PHF14: variants seen among roughly 807,000 people sequenced by gnomAD.
The protein encoded by PHF14 is PHD finger protein 14.
Under a neutral mutation model 117.9 loss-of-function variants are expected in PHF14, and 55 were observed. The ratio of observed to expected loss-of-function variants is 0.47; its 90% CI spans 0.38 to 0.58. The LOEUF is 0.58. PHF14 is among the 20% of genes least tolerant of loss of function. PHF14 has a pLI of 0.00. For missense variants in PHF14, 978 were observed against 1,122.2 expected (o/e 0.87, Z 1.84); for synonymous variants, 409 against 368.6 (o/e 1.11, Z -1.26).
intron 17 of PHF14, among the ~76,000 whole-genome samples, chr7:11,140,741 T>C (rs1788376052): frequency 6.6e-6 from 1 of 152,160 alleles, no homozygotes; most frequent in South Asian, 2.1e-4. Context: ...GATTGAAATT[T>C]CTATACTATT....
Position 10,990,799 on chromosome 7 carries a change from G to A in PHF14, c.997G>A (p.Ala333Thr), listed in dbSNP as rs542396851. 4.0e-5 allele frequency: 63 copies of A among 1,588,488 alleles called. No individual in the cohort carries two copies. In the South Asian group the frequency reaches 5.7e-4, roughly 14 times the overall value. Residue 333 changes from alanine (A) to threonine (T), a missense_variant, in exon 4 of 18, where the codon GCT becomes ACT. By Grantham distance (58) the Ala-to-Thr change is moderately conservative (BLOSUM62 0). This residue lies in a region of PHF14 where 86 missense variants were observed against 137.8 expected (regional missense o/e 0.62). Coordinates refer to ENST00000634607, the MANE Select transcript of PHF14 (RefSeq NM_001007157.2). ...CVCLGDNSED[A>T]DEIIQCDNCG... Reference sequence around the variant, plus strand: ...TTGTCTGGGAGATAATAGTGAGGACGCTGATGAAATAATTCAGTGTGACAA... The same window carrying A: ...TTGTCTGGGAGATAATAGTGAGGACACTGATGAAATAATTCAGTGTGACAA...
intron 17 of PHF14, among the ~76,000 whole-genome samples, chr7:11,161,745 TA>T (rs1395412134): frequency 6.9e-6 from 1 of 145,514 alleles, no homozygotes; most frequent in Non-Finnish European, 1.5e-5. Context: ...TTTATTTAAA[TA>T]AAAATATTTA....
In PHF14 at chr7:11,036,993, A is replaced by G; in HGVS notation, c.1882A>G (p.Met628Val). The change falls in exon 10 of 18, where the codon ATG becomes GTG. Residue 628 changes from methionine to valine, a missense_variant. Physicochemically the swap from Met to Val is conservative, Grantham distance 21. Transcript: ENST00000634607. ...DFVNYYFERN[M>V]RMIQIQENMA... ...ATATTTCATTTAAATAGAGAGAAAT[A>G]TGCGCATGATTCAAATTCAGGAAAA... is the stretch of plus-strand genomic sequence containing the variant. 2 of 1,491,084 alleles carry G rather than the reference A, an allele frequency of 1.3e-6. No individual in the cohort carries two copies. Among genetic ancestry groups the G allele is most frequent in the Non-Finnish European group, 1.8e-6 (2 of 1,093,556 alleles). The allele number at this position is 1,491,084 out of a possible 1,614,324, so 92.4% of individuals were successfully genotyped here.
At chr7:11,106,353 A>G (rs183006103) in intron 16 of PHF14, 1 of 980,454 alleles carries the variant, frequency 1.0e-6, no homozygotes, top group East Asian at 1.1e-4. Context: ...GGTATTAATG[A>G]AATAGGTTCA....
rs375820637 is a variant in PHF14 at position 11,153,785 on chromosome 7, A to T, written c.2773-15631A>T. Among the ~76,000 whole-genome samples, 33 of 152,228 alleles carry T rather than the reference A, an allele frequency of 2.2e-4. No homozygotes were observed. In the East Asian group the frequency reaches 3.1e-3, roughly 14 times the overall value. ...ATTGAGAAAATTGGGTGGTTATAGG[A>T]TTAATTAAAGAAGACTTTGTTTTCT... is the stretch of plus-strand genomic sequence containing the variant. On this transcript the variant is annotated intron_variant, in intron 17 of 17. Transcript: ENST00000634607.
chr7:11,082,198 C>G (rs1399994657), intron 16 of PHF14, among the ~76,000 whole-genome samples: 1 of 151,610 alleles, frequency 6.6e-6, no homozygotes, highest in East Asian at 2.0e-4. Flanking sequence ...TTTAAAAAAT[C>G]AGCTGGGCAT....
intron 17 of PHF14, among the ~76,000 whole-genome samples, chr7:11,132,286 T>C (rs886758160): frequency 6.8e-6 from 1 of 147,386 alleles, no homozygotes; most frequent in African/African-American, 2.5e-5. Flanking sequence ...GGTTTTGTTC[T>C]GTCTGTATAA....
chr7:11,137,342 G>A (rs1030901854), intron 17 of PHF14, among the ~76,000 whole-genome samples: 2 of 151,062 alleles, frequency 1.3e-5, no homozygotes, highest in African/African-American at 2.4e-5. Context: ...TTGATCTTAA[G>A]TGCTTTTGTG....
intron 14 of PHF14, among the ~76,000 whole-genome samples, chr7:11,056,555 C>T (rs1182464844): frequency 6.6e-6 from 1 of 151,918 alleles, no homozygotes; most frequent in Non-Finnish European, 1.5e-5. Context: ...TGGTGACTGC[C>T]ATTCCATTGG....
At chr7:11,049,082 A>G (rs1248060168) in intron 13 of PHF14, among the ~76,000 whole-genome samples, 2 of 152,252 alleles carry the variant, frequency 1.3e-5, no homozygotes, top group Non-Finnish European at 2.9e-5. Flanking sequence ...ACAAAACAAA[A>G]CAATGATTTA....
At chr7:10,996,778 A>G (rs1486077238) in intron 4 of PHF14, among the ~76,000 whole-genome samples, 1 of 152,204 alleles carries the variant, frequency 6.6e-6, no homozygotes, top group Non-Finnish European at 1.5e-5. Context: ...GTTTTGGCTT[A>G]TCAACCTTCT....
intron 14 of PHF14, among the ~76,000 whole-genome samples, chr7:11,052,727 T>C (rs577106295): frequency 6.6e-6 from 1 of 152,356 alleles, no homozygotes; most frequent in Non-Finnish European, 1.5e-5. Context: ...TTCATCTATT[T>C]ACATATTTTT....
At chr7:11,138,338 G>T (rs1207736565) in intron 17 of PHF14, among the ~76,000 whole-genome samples, 1 of 151,968 alleles carries the variant, frequency 6.6e-6, no homozygotes, top group African/African-American at 2.4e-5. Context: ...ACTGCGCCTG[G>T]CCGGAAAAAT....
chr7:11,006,377 G>T, intron 4 of PHF14: 1 of 498,128 alleles, frequency 2.0e-6, no homozygotes, highest in Non-Finnish European at 3.9e-6. Context: ...CATATATTTA[G>T]AATTAGCCAG....
intron 16 of PHF14, among the ~76,000 whole-genome samples, chr7:11,100,968 G>C (rs1286239821): frequency 6.6e-6 from 1 of 151,902 alleles, no homozygotes; most frequent in Non-Finnish European, 1.5e-5. Flanking sequence ...ATGTGCATCA[G>C]TGAAGCCCTT....
chr7:11,003,845 G>A (rs932191355), intron 4 of PHF14, among the ~76,000 whole-genome samples: 1 of 152,124 alleles, frequency 6.6e-6, no homozygotes, highest in African/African-American at 2.4e-5. Flanking sequence ...TAACAATTTG[G>A]TATGTATCTA....
At chr7:11,041,993 G>A (rs908833293) in intron 12 of PHF14, among the ~76,000 whole-genome samples, 2 of 151,724 alleles carry the variant, frequency 1.3e-5, no homozygotes, top group African/African-American at 2.4e-5. Context: ...CGCAGGTGTA[G>A]TTAAATTGCC....
intron 16 of PHF14, among the ~76,000 whole-genome samples, chr7:11,081,091 A>G (rs1786082340): frequency 6.6e-6 from 1 of 152,192 alleles, no homozygotes; most frequent in Admixed American, 6.5e-5. Context: ...ATGTATATAT[A>G]TGTGAGTGTG....
At chr7:11,161,212 C>A (rs931622697) in intron 17 of PHF14, among the ~76,000 whole-genome samples, 9 of 151,812 alleles carry the variant, frequency 5.9e-5, no homozygotes, top group African/African-American at 2.2e-4. Flanking sequence ...TTTGGTAAAA[C>A]TTAATTTTAG....
Sources: allele counts gnomAD v4.1 joint callset (sites outside exome capture counted in the v4.1 genomes callset), GRCh38; gene constraint gnomAD v4.1.1; regional missense constraint gnomAD v4.1.1; transcripts MANE v1.5; gene names NCBI Gene and HGNC (gene_info 2026-07-23, HGNC 2026-07-21).